The following FBXO9 variants were observed in gnomAD, a reference collection of about 807,000 sequenced individuals.
FBXO9 encodes F-box only protein 9.
A neutral mutation model predicts 63.7 loss-of-function variants in FBXO9; 43 were observed. The observed-to-expected ratio is 0.67, with a 90% CI of 0.53 to 0.87. FBXO9 has a LOEUF of 0.87. Among genes scored for constraint, FBXO9 ranks in the 40% least tolerant of loss-of-function variants. The pLI, the probability that FBXO9 is intolerant of heterozygous loss-of-function variation, is 0.00. For synonymous variants in FBXO9, 156 were observed against 171.7 expected, an observed-to-expected ratio of 0.91 and a Z score of 0.72; for missense variants, 442 against 533.2, an observed-to-expected ratio of 0.83 and a Z score of 1.68.
At position 53,073,575 on chromosome 6, in the gene FBXO9, G is replaced by C; in HGVS notation, c.185G>C (p.Arg62Thr). ...NLENRPCRAA[R>T]GSLQKTSADT... ...GAAAATCGACCTTGCAGAGCAGCAA[G>C]AGGCTCTCTCCAGAAAACATCGGCA... is the stretch of plus-strand genomic sequence containing the variant. Residue 62 changes from arginine to threonine, a missense_variant, in exon 3 of 13, where the codon AGA (arginine) becomes ACA (threonine). Arg to Thr is a moderately conservative substitution (Grantham distance 71). Transcript: ENST00000323557. 6.2e-7 allele frequency: 1 copy of C among 1,611,558 alleles called. No individual in the cohort carries two copies. Among genetic ancestry groups the C allele is most frequent in the Non-Finnish European group, 8.5e-7 (1 of 1,178,628 alleles).
At chr6:53,096,855 A>G (rs970281818) in intron 12 of FBXO9, among the ~76,000 whole-genome samples, 2 of 152,188 alleles carry the variant, frequency 1.3e-5, no homozygotes, top group African/African-American at 4.8e-5. Flanking sequence ...GCGGTGAGCT[A>G]TGATCACACC....
intron 7 of FBXO9, among the ~76,000 whole-genome samples, chr6:53,090,604 A>G (rs1322703746): frequency 6.6e-6 from 1 of 152,232 alleles, no homozygotes; most frequent in African/African-American, 2.4e-5. Flanking sequence ...TTTTAAATAT[A>G]CATTTTAACA....
intron 3 of FBXO9, 29 bp downstream of exon 3, chr6:53,073,668 A>G: frequency 7.3e-7 from 1 of 1,363,562 alleles, no homozygotes; most frequent in Non-Finnish European, 9.4e-7. Context: ...GTAACAAATT[A>G]CATTTTTTTT....
chr6:53,097,058 A>T (rs1164188207), intron 12 of FBXO9, among the ~76,000 whole-genome samples: 2 of 152,138 alleles, frequency 1.3e-5, no homozygotes, highest in East Asian at 3.9e-4. Flanking sequence ...TAATTATCAC[A>T]TTGACTTCCT....
intron 3 of FBXO9, among the ~76,000 whole-genome samples, chr6:53,075,860 C>G (rs1261715212): frequency 1.4e-5 from 2 of 148,136 alleles, no homozygotes; most frequent in Non-Finnish European, 3.0e-5. Context: ...TCTCCTGCCT[C>G]AGCCTCCAGA....
chr6:53,065,736 C>T lies in FBXO9; in HGVS notation c.-54C>T. The T allele has an allele frequency of 4.2e-6, 6 of 1,425,822 alleles. No individual in the cohort carries two copies. Among genetic ancestry groups the T allele is most frequent in the Non-Finnish European group, 2.8e-6 (3 of 1,089,542 alleles). The allele number at this position is 1,425,822 out of a possible 1,614,324, so 88.3% of individuals were successfully genotyped here. ...CACCCAGCACCCCTCCTCCGGGGGGCGGTGCAGAGGGGGCACGGAGAGCCC... is the reference window on the plus strand; with the variant it reads ...CACCCAGCACCCCTCCTCCGGGGGGTGGTGCAGAGGGGGCACGGAGAGCCC... On this transcript the variant is annotated 5_prime_UTR_variant, in exon 1 of 13. Transcript: ENST00000323557.
chr6:53,076,657 C>G, intron 4 of FBXO9, 114 bp downstream of exon 4: 1 of 751,758 alleles, frequency 1.3e-6, no homozygotes, highest in East Asian at 3.3e-5. Context: ...TTTCTTAATA[C>G]ATTCTTCCTT....
Position 53,073,620 on chromosome 6 carries a change from A to T in FBXO9, c.230A>T (p.Glu77Val). 6.3e-7 allele frequency: 1 copy of T among 1,595,968 alleles called. No homozygotes were observed. The highest frequency in any genetic ancestry group is 8.5e-7 in the Non-Finnish European group (1 of 1,171,020). Residue 77 changes from glutamate to valine, a missense_variant, in exon 3 of 13, where the codon GAA becomes GTA. Transcript: ENST00000323557. ...KTSADTKGKQ[E>V]QAKEEKAREL... ...TCGGCAGATACCAAAGGAAAACAAG[A>T]ACAGGCAAAAGAAGAAAAGTTAAGT...
chr6:53,091,048 C>G (rs1763025794), intron 7 of FBXO9: 1 of 152,120 alleles, frequency 6.6e-6, no homozygotes, highest in African/African-American at 2.4e-5. Context: ...GTTCTGGGCT[C>G]TAGTGCACTA....
chr6:53,068,587 C>G (rs1399216376), intron 1 of FBXO9, among the ~76,000 whole-genome samples: 2 of 150,868 alleles, frequency 1.3e-5, no homozygotes, highest in Non-Finnish European at 2.9e-5. Flanking sequence ...TTTCATAGAA[C>G]ACATTTAATA....
chr6:53,087,341 CA>C (rs58776188), intron 7 of FBXO9, among the ~76,000 whole-genome samples: 1,089 of 48,424 alleles, frequency 0.022, 10 homozygotes, highest in South Asian at 0.067. Flanking sequence ...GATCCTATCT[CA>C]AAAAAAAAAA....
chr6:53,086,899 G>C (rs1762905462), intron 7 of FBXO9, among the ~76,000 whole-genome samples: 1 of 151,908 alleles, frequency 6.6e-6, no homozygotes, highest in Non-Finnish European at 1.5e-5. Flanking sequence ...TACTAAAAAA[G>C]CAAAAAAATT....
chr6:53,073,775 C>A, intron 3 of FBXO9, 136 bp downstream of exon 3: 1 of 685,200 alleles, frequency 1.5e-6, no homozygotes, highest in Non-Finnish European at 2.3e-6. Flanking sequence ...AAAATTTTGA[C>A]TAGTATACTA....
At chr6:53,084,856 G>A (rs1315527724) in intron 7 of FBXO9, among the ~76,000 whole-genome samples, 1 of 152,088 alleles carries the variant, frequency 6.6e-6, no homozygotes, top group Non-Finnish European at 1.5e-5. Context: ...AGGCTAGGAA[G>A]TCAAAGAGAG....
At chr6:53,075,963 C>T (rs147743363) in intron 3 of FBXO9, among the ~76,000 whole-genome samples, 24 of 151,846 alleles carry the variant, frequency 1.6e-4, no homozygotes, top group African/African-American at 4.6e-4. Context: ...AGGCCAGTGT[C>T]GAACTCCTGG....
intron 2 of FBXO9, among the ~76,000 whole-genome samples, chr6:53,071,613 G>T (rs1768919999): frequency 6.6e-6 from 1 of 152,120 alleles, no homozygotes; most frequent in South Asian, 2.1e-4. Context: ...AATACAAATG[G>T]CCATTAAATA....
intron 1 of FBXO9, among the ~76,000 whole-genome samples, chr6:53,067,475 T>G (rs1768747711): frequency 6.6e-6 from 1 of 152,114 alleles, no homozygotes; most frequent in Non-Finnish European, 1.5e-5. Flanking sequence ...AACCCTGAGC[T>G]GAATCTTGAA....
chr6:53,076,937 C>T (rs1303968943), intron 4 of FBXO9, among the ~76,000 whole-genome samples: 1 of 151,848 alleles, frequency 6.6e-6, no homozygotes, highest in Admixed American at 6.6e-5. Context: ...TTCTATATAA[C>T]CTGTCTTTTT....
chr6:53,066,383 A>G (rs1768699928), intron 1 of FBXO9, among the ~76,000 whole-genome samples: 3 of 152,180 alleles, frequency 2.0e-5, no homozygotes, highest in African/African-American at 7.2e-5. Flanking sequence ...GTGCCGTCCA[A>G]ATGAGAGACT....
Sources: allele counts gnomAD v4.1 joint callset (sites outside exome capture counted in the v4.1 genomes callset), GRCh38; gene constraint gnomAD v4.1.1; transcripts MANE v1.5; gene names NCBI Gene and HGNC (gene_info 2026-07-23, HGNC 2026-07-21).